Variants in TGFB3 observed in about 807,000 individuals in gnomAD.
TGFB3 encodes transforming growth factor beta 3.
In TGFB3, 5 loss-of-function variants were observed where a neutral mutation model predicts 40.1. The observed-to-expected ratio is 0.12, with a 90% confidence interval of 0.07 to 0.26. The LOEUF (loss-of-function observed/expected upper bound fraction) is 0.26, where lower values mean the gene tolerates loss of function less well. Ranked by LOEUF, TGFB3 falls within the 10% of genes least tolerant of loss-of-function variation. The pLI is 1.00. For synonymous variants in TGFB3, 184 were observed against 205.6 expected (o/e 0.89, Z 0.90); for missense variants, 373 against 530.1 (o/e 0.70, Z 2.91).
chr14:75,974,412 G>C (rs4252321), intron 1 of TGFB3, among the ~76,000 whole-genome samples: 215 of 152,182 alleles, frequency 1.4e-3, no homozygotes, highest in African/African-American at 4.8e-3. Flanking sequence ...ATGATTAGAA[G>C]GGACATCAGG....
In TGFB3 at chr14:75,959,251, A is replaced by T. The variant is rs759168311; in HGVS notation, c.1175T>A (p.Val392Asp). 1 of 1,614,104 alleles carries T rather than the reference A, an allele frequency of 6.2e-7. No individual in the cohort carries two copies. Among genetic ancestry groups the T allele is most frequent in the Non-Finnish European group, 8.5e-7 (1 of 1,180,016 alleles). The change falls in exon 7 of 7, where the codon GTT becomes GAT. Residue 392 changes from valine to aspartate, a missense_variant. By Grantham distance (152) the Val-to-Asp change is radical. Transcript: ENST00000238682. ...DLEPLTILYY[V>D]GRTPKVEQLS... Reference sequence around the variant, plus strand: ...CTGCTCCACTTTGGGGGTCCTCCCAACATAGTACAGGATGGTCAGGGGCTC... The same window carrying T: ...CTGCTCCACTTTGGGGGTCCTCCCATCATAGTACAGGATGGTCAGGGGCTC...
rs2035428273 is a variant in TGFB3, at chr14:75,981,256, AAAAT to A, written c.-367_-364del. The A allele has an allele frequency of 1.1e-5, 4 of 357,486 alleles. No homozygotes were observed. The highest frequency in any genetic ancestry group is 2.6e-5 in the South Asian group (1 of 38,366). The allele number at this position is 357,486 out of a possible 1,614,324, so 22.1% of individuals were successfully genotyped here. On this transcript the variant is annotated 5_prime_UTR_variant, in exon 1 of 7. Coordinates refer to ENST00000238682, the MANE Select transcript of TGFB3 (RefSeq NM_003239.5). This position sits in a 1 kb window ranked among gnomAD's most constrained non-coding sequence, Gnocchi z 4.7. ...GGGAGCTGGAGTTTTTCCTTAGGTA[AAAAT>A]AAATAGAGTGGATATCTGATATTGC...
rs1292963136 is a variant in TGFB3, at chr14:75,971,368, C to T, written c.517-113G>A. 9 of 1,560,120 alleles carry T rather than the reference C, an allele frequency of 5.8e-6. No homozygotes were observed. The highest frequency in any genetic ancestry group is 7.0e-6 in the Non-Finnish European group (8 of 1,142,326). On this transcript the variant is annotated intron_variant, in intron 2 of 6. Transcript: ENST00000238682. The surrounding 1 kb of genome is among the most constrained non-coding windows in gnomAD (Gnocchi z 4.5). ...ATAGGAAACCAGTGGTTCCTGAATG[C>T]CATGGCCCTCGAGCACCTTAGCTAA... is the stretch of plus-strand genomic sequence containing the variant.
intron 3 of TGFB3, 62 bp from the exon 4 acceptor site, chr14:75,965,757 C>T: frequency 7.2e-7 from 1 of 1,393,278 alleles, no homozygotes; most frequent in Non-Finnish European, 1.0e-6. Context: ...GTGTGCCCAC[C>T]ACCCATGCAA....
In TGFB3 at chr14:75,963,250, G is replaced by T. The variant is rs2035179000; in HGVS notation, c.926+66C>A. 3 of 1,595,124 alleles carry T rather than the reference G, an allele frequency of 1.9e-6. No homozygotes were observed. The East Asian group carries it at 6.7e-5, about 36-fold the overall frequency. ...CTGTTGAGTGTGGCTTGGCTCTGGG[G>T]CCTGACCTAGCCATTGGGCAGTAGG... On this transcript the variant is annotated intron_variant, in intron 5 of 6. Coordinates refer to ENST00000238682, the MANE Select transcript of TGFB3 (RefSeq NM_003239.5).
chr14:75,960,029 G>A (rs1040484020), intron 6 of TGFB3, among the ~76,000 whole-genome samples: 8 of 121,326 alleles, frequency 6.6e-5, no homozygotes, highest in Admixed American at 1.2e-4. Context: ...TGCAACTTCC[G>A]CCTCCTGGGT....
rs113864834 is a variant in TGFB3 at position 75,963,560 on chromosome 14, C to T, written c.755-73G>A. The T allele has an allele frequency of 6.9e-5, 109 of 1,571,718 alleles. 1 individual carries two copies. The highest frequency in any genetic ancestry group is 4.6e-4 in the African/African-American group (34 of 74,196). On this transcript the variant is annotated intron_variant, in intron 4 of 6. Coordinates refer to ENST00000238682, the MANE Select transcript of TGFB3 (RefSeq NM_003239.5). ...GCCCTTGGAGGCTGCCTCCTCCACA[C>T]GCCCCATCACTGCCCAGGAGGAGGG... is the stretch of plus-strand genomic sequence containing the variant.
intron 4 of TGFB3, among the ~76,000 whole-genome samples, chr14:75,963,808 G>A (rs1429466672): frequency 2.0e-5 from 3 of 152,118 alleles, no homozygotes; most frequent in Non-Finnish European, 4.4e-5. Flanking sequence ...AATCTTCATG[G>A]ACCTATGAAG....
upstream of TGFB3, chr14:75,982,878 C>A (rs1457804783): frequency 6.6e-6 from 1 of 152,400 alleles, no homozygotes; most frequent in Non-Finnish European, 1.5e-5. The surrounding 1 kb of genome is among the most constrained non-coding windows in gnomAD (Gnocchi z 4.0). Context: ...GAGGTCTCCG[C>A]AGGGAGCTGC....
In TGFB3 at chr14:75,979,810, G is replaced by A. The variant is rs985070484; in HGVS notation, c.352+732C>T. ...TCCACAGCCAAAACCCGCTCTCCCCGTGCCCACCGGCCTGGAGGGCGCCCA... is the reference window on the plus strand; with the variant it reads ...TCCACAGCCAAAACCCGCTCTCCCCATGCCCACCGGCCTGGAGGGCGCCCA... On this transcript the variant is annotated intron_variant, in intron 1 of 6. Coordinates refer to ENST00000238682, the MANE Select transcript of TGFB3 (RefSeq NM_003239.5). This position sits in a 1 kb window ranked among gnomAD's most constrained non-coding sequence, Gnocchi z 4.8. 6.7e-6 allele frequency among the ~76,000 whole-genome samples: 1 copy of A among 149,500 alleles called. No homozygotes were observed. Among genetic ancestry groups the A allele is most frequent in the Non-Finnish European group, 1.5e-5 (1 of 67,516 alleles).
rs1438839818 is a variant in TGFB3 at position 75,971,761 on chromosome 14, A to C, written c.353-43T>G. 1.2e-6 allele frequency: 2 copies of C among 1,609,294 alleles called. No homozygotes were observed. Among genetic ancestry groups the C allele is most frequent in the Non-Finnish European group, 1.7e-6 (2 of 1,177,012 alleles). ...GCAGAGGGCACAGCATGAGCGAGACATGCAGGAACAGTGTGCTGCCAACGG... is the reference window on the plus strand; with the variant it reads ...GCAGAGGGCACAGCATGAGCGAGACCTGCAGGAACAGTGTGCTGCCAACGG... On this transcript the variant is annotated intron_variant, in intron 1 of 6. Coordinates refer to ENST00000238682, the MANE Select transcript of TGFB3 (RefSeq NM_003239.5). The surrounding 1 kb of genome is among the most constrained non-coding windows in gnomAD (Gnocchi z 4.5).
At chr14:75,970,684 T>G (rs1412464530) in intron 3 of TGFB3, 1 of 205,152 alleles carries the variant, frequency 4.9e-6, no homozygotes, top group Non-Finnish European at 9.8e-6. Context: ...CTCACCATGC[T>G]CCAGCCACAC....
chr14:75,979,060 C>T lies in TGFB3; in HGVS notation c.352+1482G>A, dbSNP rs945618131. Among the ~76,000 whole-genome samples the T allele has an allele frequency of 1.3e-5, 2 of 152,170 alleles. No homozygotes were observed. Among genetic ancestry groups the T allele is most frequent in the African/African-American group, 4.8e-5 (2 of 41,448 alleles). On this transcript the variant is annotated intron_variant, in intron 1 of 6. Coordinates refer to ENST00000238682, the MANE Select transcript of TGFB3 (RefSeq NM_003239.5). This position sits in a 1 kb window ranked among gnomAD's most constrained non-coding sequence, Gnocchi z 4.8. Reference sequence around the variant, plus strand: ...TGGGAACTGTGGGTCTCTGAGCCAGCCCCACCCAGAGACCCTGGGCAGGGA... The same window carrying T: ...TGGGAACTGTGGGTCTCTGAGCCAGTCCCACCCAGAGACCCTGGGCAGGGA...
rs142069844 is a variant in TGFB3, at chr14:75,963,445, C to T, written c.797G>A (p.Arg266His). The change falls in exon 5 of 7, where the codon CGC becomes CAC. Residue 266 changes from arginine to histidine, a missense_variant. Transcript: ENST00000238682. ...GTGGTGATCCTTCTGCTTCTTGAGGCGCCCCAGATCTCCACGGCCATGGTC... is the reference window on the plus strand; with the variant it reads ...GTGGTGATCCTTCTGCTTCTTGAGGTGCCCCAGATCTCCACGGCCATGGTC... ...EDDHGRGDLG[R>H]LKKQKDHHNP... is the part of the protein sequence containing the mutation. 80 of 1,614,140 alleles carry T rather than the reference C, an allele frequency of 5.0e-5. No homozygotes were observed. In the Admixed American group the frequency reaches 5.0e-4, roughly 10 times the overall value.
chr14:75,966,788 G>T (rs553666879), intron 3 of TGFB3: 3 of 152,234 alleles, frequency 2.0e-5, no homozygotes, highest in African/African-American at 7.2e-5. Flanking sequence ...GAAGGAAAAA[G>T]AAAGAAAATG....
chr14:75,966,219 G>T, intron 3 of TGFB3: 1 of 182,448 alleles, frequency 5.5e-6, no homozygotes, highest in Non-Finnish European at 1.2e-5. Context: ...AATTCAAAAA[G>T]CCACAGGATG....
At position 75,971,342 on chromosome 14, in the gene TGFB3, G is replaced by A. The variant is rs1420350058; in HGVS notation, c.517-87C>T. 17 of 1,600,524 alleles carry A rather than the reference G, an allele frequency of 1.1e-5. No homozygotes were observed. Among genetic ancestry groups the A allele is most frequent in the African/African-American group, 5.4e-5 (4 of 74,664 alleles). ...CAATGCAGAGCACAGGTGAGGGAGC[G>A]ATAGGAAACCAGTGGTTCCTGAATG... On this transcript the variant is annotated intron_variant, in intron 2 of 6. Coordinates refer to ENST00000238682, the MANE Select transcript of TGFB3 (RefSeq NM_003239.5). The surrounding 1 kb of genome is among the most constrained non-coding windows in gnomAD (Gnocchi z 4.5).
chr14:75,962,590 A>C (rs1328659825), intron 5 of TGFB3, among the ~76,000 whole-genome samples: 1 of 152,158 alleles, frequency 6.6e-6, no homozygotes, highest in African/African-American at 2.4e-5. Context: ...TCATCCTTGA[A>C]GCCTCTGCTC....
Position 75,979,704 on chromosome 14 carries a change from C to G in TGFB3, c.352+838G>C, listed in dbSNP as rs3917151. On this transcript the variant is annotated intron_variant, in intron 1 of 6. Transcript: ENST00000238682. This position sits in a 1 kb window ranked among gnomAD's most constrained non-coding sequence, Gnocchi z 4.8. ...GCAGGCTCCCAGACATATCCCCCCC[C>G]CCCACCATGCACCCACTGCCACCCC... Among the ~76,000 whole-genome samples the G allele has an allele frequency of 3.3e-5, 5 of 149,678 alleles. No homozygotes were observed. Among genetic ancestry groups the G allele is most frequent in the Admixed American group, 2.0e-4 (3 of 15,122 alleles).
Sources: allele counts gnomAD v4.1 joint callset (sites outside exome capture counted in the v4.1 genomes callset), GRCh38; gene constraint gnomAD v4.1.1; non-coding constraint Gnocchi (gnomAD v3.1); transcripts MANE v1.5; gene names NCBI Gene and HGNC (gene_info 2026-07-23, HGNC 2026-07-21).